Variants in UEVLD observed in about 807,000 individuals in gnomAD.
The protein encoded by UEVLD is UEV and lactate/malate dehyrogenase domains.
Under a neutral mutation model 58.6 loss-of-function variants are expected in UEVLD, and 47 were observed. The ratio of observed to expected loss-of-function variants is 0.80; its 90% confidence interval spans 0.63 to 1.02. The LOEUF is 1.02. Ranked by LOEUF, UEVLD falls within the 50% of genes least tolerant of loss-of-function variation. The pLI, the probability that UEVLD is intolerant of heterozygous loss-of-function variation, is 0.00. For synonymous variants in UEVLD, 197 were observed against 195.3 expected (o/e 1.01, Z -0.07); for missense variants, 510 against 550.6 (o/e 0.93, Z 0.74).
At chr11:18,578,615 A>T in intron 2 of UEVLD, 109 bp downstream of exon 2, 1 of 760,690 alleles carries the variant, frequency 1.3e-6, no homozygotes, top group East Asian at 2.7e-5. Context: ...TATAGCTGAA[A>T]ATCAGAGGAT....
chr11:18,542,890 C>CTTTTTTTTTTTTTTTTTTTTTTTTT (rs890676886), intron 9 of UEVLD, among the ~76,000 whole-genome samples: 5 of 125,902 alleles, frequency 4.0e-5, no homozygotes, highest in Non-Finnish European at 8.0e-5. Context: ...CTTTTCTTTT[C>CTTTTTTTTTTTTTTTTTTTTTTTTT]TTTTTTTTTT....
At chr11:18,586,987 G>A (rs1365509476) in intron 1 of UEVLD, among the ~76,000 whole-genome samples, 1 of 152,048 alleles carries the variant, frequency 6.6e-6, no homozygotes, top group Non-Finnish European at 1.5e-5. Context: ...AGCAGAGATC[G>A]CGCCACTGCA....
At chr11:18,555,873 C>T (rs1851733303) in intron 7 of UEVLD, among the ~76,000 whole-genome samples, 1 of 152,060 alleles carries the variant, frequency 6.6e-6, no homozygotes, top group Admixed American at 6.6e-5. Context: ...CGCTTGAACC[C>T]AGGAGTTTGA....
At chr11:18,559,677 T>A (rs1189512374) in intron 6 of UEVLD, among the ~76,000 whole-genome samples, 2 of 152,162 alleles carry the variant, frequency 1.3e-5, no homozygotes, top group Non-Finnish European at 2.9e-5. Flanking sequence ...AATGCCAGCT[T>A]TTTCTTAAAA....
At chr11:18,536,508 A>G (rs193136892) in intron 9 of UEVLD, 39 bp from the exon 10 acceptor site, 1 of 1,539,352 alleles carries the variant, frequency 6.5e-7, no homozygotes, top group African/African-American at 1.4e-5. Context: ...TTTGCCAGTG[A>G]CTCTTTGGAT....
chr11:18,576,392 G>A (rs1852912334), intron 2 of UEVLD, among the ~76,000 whole-genome samples: 1 of 151,916 alleles, frequency 6.6e-6, no homozygotes, highest in Non-Finnish European at 1.5e-5. Context: ...ATCTCTATCA[G>A]CCGGGTGTGG....
chr11:18,568,407 G>A lies in UEVLD; in HGVS notation c.357+1807C>T, dbSNP rs141290654. On this transcript the variant is annotated intron_variant, in intron 4 of 11. Coordinates refer to ENST00000396197, the MANE Select transcript of UEVLD (RefSeq NM_001040697.4). ...TGTTTTGTTTTGTTTAAAGAAGGGT[G>A]TAACAATGGATGGAGGAGAGAAACA... is the stretch of plus-strand genomic sequence containing the variant. Among the ~76,000 whole-genome samples, 14 of 152,286 alleles carry A rather than the reference G, an allele frequency of 9.2e-5. No homozygotes were observed. The East Asian group carries it at 2.7e-3, about 29-fold the overall frequency.
chr11:18,581,162 C>CAAA lies in UEVLD; in HGVS notation c.43-2357_43-2355dup, dbSNP rs34170647. Among the ~76,000 whole-genome samples, 528 of 82,880 alleles carry CAAA rather than the reference C, an allele frequency of 6.4e-3. 3 individuals carry two copies. Among genetic ancestry groups the CAAA allele is most frequent in the African/African-American group, 0.024 (512 of 21,780 alleles). The allele number at this position is 82,880 out of a possible 152,430, so 54.4% of individuals were successfully genotyped here. A position where few individuals can be genotyped will look rare whatever the true frequency, so the allele number is the denominator to read the frequency against. ...GGGCAACAAGAGCTAGACTCAGTCTCAAAAAAAAAAAAAAAAAAGATATAG... is the reference window on the plus strand; with the variant it reads ...GGGCAACAAGAGCTAGACTCAGTCTCAAAAAAAAAAAAAAAAAAAAAGATATAG... On this transcript the variant is annotated intron_variant, in intron 1 of 11. Coordinates refer to ENST00000396197, the MANE Select transcript of UEVLD (RefSeq NM_001040697.4).
At chr11:18,580,711 T>C (rs1355208046) in intron 1 of UEVLD, among the ~76,000 whole-genome samples, 2 of 151,528 alleles carry the variant, frequency 1.3e-5, no homozygotes, top group Non-Finnish European at 2.9e-5. Context: ...ATATATTTTA[T>C]GATTCCATGT....
intron 9 of UEVLD, among the ~76,000 whole-genome samples, chr11:18,539,828 C>T (rs1022473075): frequency 3.9e-5 from 6 of 152,142 alleles, no homozygotes; most frequent in African/African-American, 9.7e-5. Flanking sequence ...GAATGGGAGA[C>T]GATGAAGCAG....
At chr11:18,584,638 G>A (rs1027647096) in intron 1 of UEVLD, among the ~76,000 whole-genome samples, 24 of 151,934 alleles carry the variant, frequency 1.6e-4, no homozygotes, top group African/African-American at 5.8e-4. Context: ...TTTTTTGTTT[G>A]CTTTGTTTTT....
At chr11:18,536,033 C>T (rs1327219363) in intron 10 of UEVLD, among the ~76,000 whole-genome samples, 1 of 152,148 alleles carries the variant, frequency 6.6e-6, no homozygotes, top group Non-Finnish European at 1.5e-5. Flanking sequence ...ACTTGGGACA[C>T]TGAGGCAGGG....
At chr11:18,575,892 C>T (rs919581550) in intron 2 of UEVLD, among the ~76,000 whole-genome samples, 1 of 152,214 alleles carries the variant, frequency 6.6e-6, no homozygotes, top group Middle Eastern at 3.2e-3. Flanking sequence ...GTGTCAACAC[C>T]TACCTCCACT....
At chr11:18,537,327 T>G (rs35047705) in intron 9 of UEVLD, among the ~76,000 whole-genome samples, 2 of 134,092 alleles carry the variant, frequency 1.5e-5, no homozygotes, top group Admixed American at 1.5e-4. Context: ...TATATATATT[T>G]TTTTTTTTTT....
chr11:18,561,001 T>C (rs1852007337), intron 6 of UEVLD, among the ~76,000 whole-genome samples: 1 of 127,930 alleles, frequency 7.8e-6, no homozygotes, highest in African/African-American at 2.6e-5. Flanking sequence ...AGAGCGGGAC[T>C]CCATCTCAAA....
chr11:18,568,801 T>C (rs1232782981), intron 4 of UEVLD, among the ~76,000 whole-genome samples: 1 of 152,114 alleles, frequency 6.6e-6, no homozygotes, highest in African/African-American at 2.4e-5. Context: ...GTCTATAAAA[T>C]AAAAAGTGAT....
intron 7 of UEVLD, among the ~76,000 whole-genome samples, chr11:18,547,369 A>G (rs780920966): frequency 2.6e-5 from 4 of 152,090 alleles, no homozygotes; most frequent in African/African-American, 7.2e-5. Context: ...CTACTAAAAT[A>G]TAAAAATTAG....
chr11:18,584,664 GCT>G (rs1853447067), intron 1 of UEVLD, among the ~76,000 whole-genome samples: 1 of 152,078 alleles, frequency 6.6e-6, no homozygotes, highest in Non-Finnish European at 1.5e-5. Context: ...ACGGAGTCTT[GCT>G]CTGTTGCCCA....
chr11:18,575,018 C>T (rs935491022), intron 3 of UEVLD, among the ~76,000 whole-genome samples: 2 of 152,146 alleles, frequency 1.3e-5, no homozygotes, highest in Non-Finnish European at 2.9e-5. Flanking sequence ...CAAAGAAGCA[C>T]CTACTTTGAA....
Sources: gnomAD v4.1 joint callset for allele counts (sites outside exome capture counted in the v4.1 genomes callset) on GRCh38, gnomAD v4.1.1 for gene constraint, MANE v1.5 for transcripts, NCBI Gene and HGNC (gene_info 2026-07-23, HGNC 2026-07-21) for gene names.